The following SDHA variants were observed in gnomAD, a reference collection of about 807,000 sequenced individuals.
SDHA encodes succinate dehydrogenase [ubiquinone] flavoprotein subunit, mitochondrial.
SDHA carries 48 observed loss-of-function variants against 78.4 expected under a neutral mutation model. The ratio of observed to expected loss-of-function variants is 0.61; its 90% CI spans 0.49 to 0.78. SDHA has a LOEUF of 0.78. SDHA is among the 30% of genes least tolerant of loss of function. The probability of loss-of-function intolerance (pLI) is 0.00; values close to 1 mark genes in which losing one functional copy is unlikely to be tolerated. For synonymous variants in SDHA, 326 were observed against 353.9 expected, an observed-to-expected ratio of 0.92 and a Z score of 0.88; for missense variants, 680 against 892.7, an observed-to-expected ratio of 0.76 and a Z score of 3.04.
chr5:240,575 G>A (rs1396709924), intron 11 of SDHA, 99 bp downstream of exon 11: 7 of 798,476 alleles, frequency 8.8e-6, no homozygotes, highest in African/African-American at 6.9e-5. Flanking sequence ...GGATGCAGGT[G>A]CAGTTTTGTG....
intron 1 of SDHA, among the ~76,000 whole-genome samples, chr5:218,829 T>G (rs1192978315): frequency 6.6e-6 from 1 of 152,052 alleles, no homozygotes; most frequent in African/African-American, 2.4e-5. Flanking sequence ...CTGGCTGGGC[T>G]GGGCCTCTGC....
intron 11 of SDHA, among the ~76,000 whole-genome samples, chr5:241,443 G>T (rs1335438712): frequency 8.5e-5 from 13 of 152,210 alleles, no homozygotes; most frequent in Admixed American, 2.6e-4. Context: ...AAGAGAGGGA[G>T]AGTGGGCGGC....
At chr5:234,324 C>T (rs538364021) in intron 8 of SDHA, 1 of 148,230 alleles carries the variant, frequency 6.7e-6, no homozygotes, top group Non-Finnish European at 1.5e-5. Flanking sequence ...GAGGCTGAGG[C>T]AGGAGAATGG....
At chr5:236,767 T>A (rs1228501580) in intron 10 of SDHA, among the ~76,000 whole-genome samples, 168 bp downstream of exon 10, 1 of 151,950 alleles carries the variant, frequency 6.6e-6, no homozygotes, top group Non-Finnish European at 1.5e-5. Context: ...ACCTTCAGAG[T>A]CCCAAGTAGC....
In SDHA at chr5:256,836, T is replaced by A; in HGVS notation, c.*416T>A. ...TTTTTTCTTTTTCTTTTCTTTTTTT[T>A]TTTTGAGACAGGATCGGTGCAGTAG... On this transcript the variant is annotated 3_prime_UTR_variant, in exon 15 of 15. Coordinates refer to ENST00000264932, the MANE Select transcript of SDHA (RefSeq NM_004168.4). The A allele has an allele frequency of 3.5e-6, 1 of 285,688 alleles. No homozygotes were observed. Among genetic ancestry groups the A allele is most frequent in the East Asian group, 5.4e-5 (1 of 18,440 alleles). 17.7% of individuals were successfully genotyped at this position (285,688 alleles called of 1,614,324 possible).
chr5:265,292 T>C, the SDHA span, among the ~76,000 whole-genome samples: 3 of 152,242 alleles, frequency 2.0e-5, no homozygotes, highest in South Asian at 6.2e-4. Flanking sequence ...AACTCTGTTG[T>C]TCCTTTCACA....
At chr5:262,314 TCCCGTCAGA>T in the SDHA span, among the ~76,000 whole-genome samples, 1 of 101,180 alleles carries the variant, frequency 9.9e-6, no homozygotes, top group Non-Finnish European at 2.2e-5. Context: ...GAGCTCCGCC[TCCCGTCAGA>T]GCATTACCGT....
rs1376646730 is a variant in SDHA, at chr5:218,339, C to T, written c.-17C>T. On this transcript the variant is annotated 5_prime_UTR_variant, in exon 1 of 15. Coordinates refer to ENST00000264932, the MANE Select transcript of SDHA (RefSeq NM_004168.4). ...CTGCGCAGGGACTGGCGGGACTGCG[C>T]GGCGGCAACAGCAGACATGTCGGGG... 2.1e-6 allele frequency: 3 copies of T among 1,443,826 alleles called. No individual in the cohort carries two copies. Among genetic ancestry groups the T allele is most frequent in the South Asian group, 1.5e-5 (1 of 68,892 alleles). 89.4% of individuals were successfully genotyped at this position (1,443,826 alleles called of 1,614,324 possible).
intron 6 of SDHA, among the ~76,000 whole-genome samples, chr5:230,220 A>G (rs1035954590): frequency 6.6e-6 from 1 of 152,162 alleles, no homozygotes; most frequent in Non-Finnish European, 1.5e-5. Context: ...TAAATTCATC[A>G]ATCATACCTC....
intron 11 of SDHA, among the ~76,000 whole-genome samples, chr5:245,148 A>G (rs1736368294): frequency 6.6e-6 from 1 of 152,230 alleles, no homozygotes; most frequent in Non-Finnish European, 1.5e-5. Flanking sequence ...AGGGACACAT[A>G]GCTCCAACAT....
At chr5:237,599 A>T (rs1276902849) in intron 10 of SDHA, among the ~76,000 whole-genome samples, 1 of 134,020 alleles carries the variant, frequency 7.5e-6, no homozygotes, top group Non-Finnish European at 1.5e-5. Context: ...GCACTGGTGG[A>T]TGTTTGCGTG....
chr5:223,631 A>G, intron 2 of SDHA, 63 bp downstream of exon 2: 1 of 1,275,876 alleles, frequency 7.8e-7, no homozygotes, highest in African/African-American at 1.5e-5. Context: ...AAGGATCTAT[A>G]CCAGTTTGTT....
chr5:247,137 C>T (rs765497110), intron 11 of SDHA, among the ~76,000 whole-genome samples: 10 of 152,304 alleles, frequency 6.6e-5, no homozygotes, highest in Non-Finnish European at 1.0e-4. Flanking sequence ...TTTCTAGACA[C>T]CCTATGCTTC....
chr5:225,584 G>A, intron 4 of SDHA, 22 bp downstream of exon 4: 1 of 1,613,892 alleles, frequency 6.2e-7, no homozygotes, highest in South Asian at 1.1e-5. Flanking sequence ...GAGGCTCTGG[G>A]TGTTCTCGTG....
intron 14 of SDHA, 49 bp downstream of exon 14, chr5:254,555 G>A (rs945279615): frequency 4.0e-5 from 60 of 1,507,606 alleles, no homozygotes; most frequent in Middle Eastern, 2.4e-4. Context: ...ACACGGCCCC[G>A]CCCAGGCCTG....
At chr5:253,544 T>G (rs1736986154) in intron 13 of SDHA, among the ~76,000 whole-genome samples, 1 of 152,222 alleles carries the variant, frequency 6.6e-6, no homozygotes, top group Non-Finnish European at 1.5e-5. Context: ...GTTCAAGTGA[T>G]TCTCCTGCCT....
chr5:225,525 A>G lies in SDHA; in HGVS notation c.419A>G (p.His140Arg), dbSNP rs759266253. 1 of 1,613,888 alleles carries G rather than the reference A, an allele frequency of 6.2e-7. No individual in the cohort carries two copies. The highest frequency in any genetic ancestry group is 8.5e-7 in the Non-Finnish European group (1 of 1,179,860). ...SDWLGDQDAI[H>R]YMTEQAPAAV... Reference sequence around the variant, plus strand: ...TGGCTGGGGGACCAGGATGCCATCCACTACATGACGGAGCAGGCCCCCGCC... The same window carrying G: ...TGGCTGGGGGACCAGGATGCCATCCGCTACATGACGGAGCAGGCCCCCGCC... The change falls in exon 4 of 15, where the codon CAC becomes CGC. Residue 140 changes from histidine to arginine, a missense_variant. Coordinates refer to ENST00000264932, the MANE Select transcript of SDHA (RefSeq NM_004168.4).
chr5:239,283 G>C (rs1735986570), intron 10 of SDHA, among the ~76,000 whole-genome samples: 1 of 142,730 alleles, frequency 7.0e-6, no homozygotes, highest in South Asian at 2.1e-4. Context: ...TGCAAATCTT[G>C]GCTGTGCGCA....
rs1737215597 is a variant in SDHA, at chr5:256,611, T to C, written c.*191T>C. On this transcript the variant is annotated 3_prime_UTR_variant, in exon 15 of 15. Coordinates refer to ENST00000264932, the MANE Select transcript of SDHA (RefSeq NM_004168.4). ...GTGGCCAGGGAGCGTGGCACTTACC[T>C]TTGTCCCTTGCTTCATTCTTGTGAG... is the stretch of plus-strand genomic sequence containing the variant. 6 of 617,414 alleles carry C rather than the reference T, an allele frequency of 9.7e-6. No individual in the cohort carries two copies. Among genetic ancestry groups the C allele is most frequent in the Non-Finnish European group, 1.8e-5 (6 of 340,480 alleles). The allele number at this position is 617,414 out of a possible 1,614,324, so 38.2% of individuals were successfully genotyped here. A position where few individuals can be genotyped will look rare whatever the true frequency, so the allele number is the denominator to read the frequency against.
Sources: gnomAD v4.1 joint callset for allele counts (sites outside exome capture counted in the v4.1 genomes callset) on GRCh38, gnomAD v4.1.1 for gene constraint, MANE v1.5 for transcripts, NCBI Gene and HGNC (gene_info 2026-07-23, HGNC 2026-07-21) for gene names.